Variants in ASAP1 observed in about 807,000 individuals in gnomAD.
ASAP1 encodes ArfGAP with SH3 domain, ankyrin repeat and PH domain 1.
In ASAP1, 43 loss-of-function variants were observed where a neutral mutation model predicts 145.2. The ratio of observed to expected loss-of-function variants is 0.30; its 90% CI spans 0.23 to 0.38. The LOEUF is 0.38. Among genes scored for constraint, ASAP1 ranks in the 10% least tolerant of loss-of-function variants. ASAP1 has a pLI of 1.00. For missense variants in ASAP1, 1,018 were observed against 1,355.3 expected, an observed-to-expected ratio of 0.75 and a Z score of 3.91; for synonymous variants, 546 against 515.5, an observed-to-expected ratio of 1.06 and a Z score of -0.80.
intron 5 of ASAP1, among the ~76,000 whole-genome samples, chr8:130,213,686 C>A (rs1177587262): frequency 2.0e-5 from 3 of 152,174 alleles, no homozygotes; most frequent in East Asian, 1.9e-4. Flanking sequence ...TCCTTTGGCA[C>A]CTTTCAACCT....
chr8:130,277,578 G>A (rs1286123543), intron 3 of ASAP1, among the ~76,000 whole-genome samples: 1 of 152,144 alleles, frequency 6.6e-6, no homozygotes, highest in Non-Finnish European at 1.5e-5. Context: ...GAGTTCTCAT[G>A]ACAGAAACAA....
At chr8:130,215,756 AC>A in intron 4 of ASAP1, among the ~76,000 whole-genome samples, 1 of 151,800 alleles carries the variant, frequency 6.6e-6, no homozygotes, top group East Asian at 1.9e-4. Flanking sequence ...AACAACAACA[AC>A]AACAACAACA....
At chr8:130,423,881 A>T (rs2138723519) in intron 1 of ASAP1, among the ~76,000 whole-genome samples, 1 of 152,020 alleles carries the variant, frequency 6.6e-6, no homozygotes, top group South Asian at 2.1e-4. Flanking sequence ...AGTACTTTAA[A>T]GGTTATCTAG....
At chr8:130,082,574 G>T in intron 25 of ASAP1, among the ~76,000 whole-genome samples, 1 of 149,132 alleles carries the variant, frequency 6.7e-6, no homozygotes. Context: ...CATAATCATA[G>T]CTCACTGCAG....
chr8:130,375,224 C>T (rs536961223), intron 2 of ASAP1, among the ~76,000 whole-genome samples: 3 of 152,084 alleles, frequency 2.0e-5, no homozygotes, highest in Admixed American at 6.5e-5. Context: ...GGGCTCTAAA[C>T]CCTTGGATCC....
intron 11 of ASAP1, among the ~76,000 whole-genome samples, chr8:130,167,147 T>C (rs997288615): frequency 6.6e-6 from 1 of 151,710 alleles, no homozygotes; most frequent in Non-Finnish European, 1.5e-5. Context: ...CTACAAAAAA[T>C]ACAAAAATTA....
intron 27 of ASAP1, among the ~76,000 whole-genome samples, chr8:130,067,362 T>G (rs2097432886): frequency 6.6e-6 from 1 of 152,188 alleles, no homozygotes; most frequent in South Asian, 2.1e-4. Flanking sequence ...GACCATTCCC[T>G]AAAGGAACTC....
chr8:130,256,769 A>AG (rs1819586375), intron 3 of ASAP1, among the ~76,000 whole-genome samples: 1 of 123,924 alleles, frequency 8.1e-6, no homozygotes, highest in African/African-American at 3.1e-5. Flanking sequence ...ATATATATAT[A>AG]TATATATATA....
chr8:130,368,880 AC>A (rs148479759), intron 2 of ASAP1, among the ~76,000 whole-genome samples: 2,839 of 152,310 alleles, frequency 0.019, 40 homozygotes, highest in East Asian at 0.055. Context: ...GAGCAACTGT[AC>A]TTCTTTTTTA....
chr8:130,164,848 C>T (rs1414530280), intron 11 of ASAP1, among the ~76,000 whole-genome samples: 3 of 152,134 alleles, frequency 2.0e-5, no homozygotes, highest in African/African-American at 4.8e-5. Context: ...TTGTTGGGTG[C>T]TTTTGATTCC....
chr8:130,361,936 C>T (rs575126559), intron 2 of ASAP1, among the ~76,000 whole-genome samples: 30 of 152,064 alleles, frequency 2.0e-4, no homozygotes, highest in Non-Finnish European at 2.5e-4. Flanking sequence ...TCTCTGTTGT[C>T]GCCATTATAA....
At chr8:130,195,624 T>C (rs1438236215) in intron 5 of ASAP1, among the ~76,000 whole-genome samples, 2 of 152,068 alleles carry the variant, frequency 1.3e-5, no homozygotes, top group African/African-American at 2.4e-5. Flanking sequence ...GAAGAGGTAT[T>C]CCCCCTGCTA....
intron 10 of ASAP1, among the ~76,000 whole-genome samples, chr8:130,168,311 T>G (rs984995293): frequency 6.6e-6 from 1 of 152,010 alleles, no homozygotes; most frequent in African/African-American, 2.4e-5. Flanking sequence ...AAAAGAGAGA[T>G]AATATAAAAC....
chr8:130,180,993 G>GTTCA, intron 7 of ASAP1, 113 bp from the exon 8 acceptor site: 1 of 908,402 alleles, frequency 1.1e-6, no homozygotes, highest in Non-Finnish European at 1.6e-6. Flanking sequence ...GTCTATGTAG[G>GTTCA]TTCATCAGTT....
At chr8:130,099,887 T>C (rs1220530393) in intron 24 of ASAP1, among the ~76,000 whole-genome samples, 2 of 152,152 alleles carry the variant, frequency 1.3e-5, no homozygotes, top group African/African-American at 4.8e-5. Flanking sequence ...TATGTATATA[T>C]ACACATTTTC....
intron 3 of ASAP1, among the ~76,000 whole-genome samples, chr8:130,354,793 T>C (rs950915252): frequency 2.0e-5 from 3 of 152,200 alleles, no homozygotes; most frequent in African/African-American, 7.2e-5. Flanking sequence ...CCACTCATTG[T>C]GTGCCAGCCA....
At chr8:130,237,485 G>A (rs1175366136) in intron 3 of ASAP1, among the ~76,000 whole-genome samples, 2 of 151,414 alleles carry the variant, frequency 1.3e-5, no homozygotes, top group South Asian at 2.1e-4. Flanking sequence ...TAAGTTTTGC[G>A]ATTTCTTTTA....
intron 3 of ASAP1, among the ~76,000 whole-genome samples, chr8:130,325,671 A>G (rs1224860076): frequency 6.6e-6 from 1 of 152,248 alleles, no homozygotes; most frequent in Non-Finnish European, 1.5e-5. Flanking sequence ...TACATAGAAC[A>G]GAATGAAGTG....
intron 3 of ASAP1, among the ~76,000 whole-genome samples, chr8:130,286,070 C>T (rs973521732): frequency 2.0e-5 from 3 of 152,150 alleles, no homozygotes; most frequent in Admixed American, 1.3e-4. Flanking sequence ...TGTTATCTCC[C>T]TCAATCCTCA....
Sources: gnomAD v4.1 joint callset for allele counts (sites outside exome capture counted in the v4.1 genomes callset) on GRCh38, gnomAD v4.1.1 for gene constraint, MANE v1.5 for transcripts, NCBI Gene and HGNC (gene_info 2026-07-23, HGNC 2026-07-21) for gene names.